Variants in TNFAIP8 observed in about 807,000 individuals in gnomAD.
TNFAIP8 encodes tumor necrosis factor alpha-induced protein 8.
In TNFAIP8, 7 loss-of-function variants were observed where a neutral mutation model predicts 13.3. That is an observed-to-expected ratio of 0.52 (90% confidence interval 0.30 to 0.99). The LOEUF is 0.99. Ranked by LOEUF, TNFAIP8 falls within the 50% of genes least tolerant of loss-of-function variation. The probability of loss-of-function intolerance (pLI) is 0.07; values close to 1 mark genes in which losing one functional copy is unlikely to be tolerated. For missense variants in TNFAIP8, 258 were observed against 236.9 expected (o/e 1.09, Z -0.58); for synonymous variants, 94 against 87.6 (o/e 1.07, Z -0.41).
intron 1 of TNFAIP8, among the ~76,000 whole-genome samples, chr5:119,335,052 G>A (rs1181635682): frequency 6.6e-6 from 1 of 152,132 alleles, no homozygotes; most frequent in African/African-American, 2.4e-5. Context: ...GGGAGGCAAG[G>A]TTGTGCGTGC....
intron 1 of TNFAIP8, among the ~76,000 whole-genome samples, chr5:119,333,000 C>T (rs930633569): frequency 2.6e-5 from 4 of 151,852 alleles, no homozygotes; most frequent in Admixed American, 2.0e-4. Context: ...CTGAGCAATA[C>T]GTATTATTAA....
At position 119,367,771 on chromosome 5, in the gene TNFAIP8, G is replaced by A. The variant is rs951177805; in HGVS notation, c.31+11650G>A. ...AAGCGGGGATTTCTGGACAGAATAG[G>A]TCTTTGTCACTCATTTCAACATGTC... is the stretch of plus-strand genomic sequence containing the variant. On this transcript the variant is annotated intron_variant, in intron 1 of 1. Transcript: ENST00000504771. 3.3e-5 allele frequency among the ~76,000 whole-genome samples: 5 copies of A among 152,050 alleles called. 1 individual carries two copies. In the South Asian group the frequency reaches 1.0e-3, roughly 31 times the overall value.
At chr5:119,335,279 A>G (rs1293459996) in intron 1 of TNFAIP8, among the ~76,000 whole-genome samples, 1 of 152,174 alleles carries the variant, frequency 6.6e-6, no homozygotes, top group East Asian at 1.9e-4. Flanking sequence ...TTGCCTAGGA[A>G]TTTTAAATGA....
At position 119,271,102 on chromosome 5, in the gene TNFAIP8, C is replaced by G. The variant is rs138698027; in HGVS notation, c.1+2195C>G. 1.6e-3 allele frequency among the ~76,000 whole-genome samples: 249 copies of G among 152,312 alleles called. 1 individual carries two copies. Among genetic ancestry groups the G allele is most frequent in the Admixed American group, 3.3e-3 (50 of 15,300 alleles). The stretch of plus-strand genomic sequence containing the variant: ...GGACAGGCTGTCCTGGGATCCTAAA[C>G]AGAATAGCAGAAACCTGGGGGTGAA... On this transcript the variant is annotated intron_variant, in intron 1 of 1. Transcript: ENST00000274456.
At chr5:119,288,108 T>C (rs1267497597) in intron 1 of TNFAIP8, among the ~76,000 whole-genome samples, 1 of 152,242 alleles carries the variant, frequency 6.6e-6, no homozygotes, top group African/African-American at 2.4e-5. Flanking sequence ...AGTAAGGTTA[T>C]AGAGGTGTGT....
At chr5:119,297,212 G>T (rs931212039) in intron 1 of TNFAIP8, among the ~76,000 whole-genome samples, 2 of 151,898 alleles carry the variant, frequency 1.3e-5, no homozygotes, top group African/African-American at 4.8e-5. Flanking sequence ...TGGCAATTTT[G>T]GATCTTTCCT....
intron 1 of TNFAIP8, among the ~76,000 whole-genome samples, chr5:119,383,389 A>T (rs1752558051): frequency 6.6e-6 from 1 of 152,200 alleles, no homozygotes; most frequent in Admixed American, 6.5e-5. Flanking sequence ...TCTAATCATA[A>T]TACTTGCCCC....
At chr5:119,285,149 C>G (rs1257845921) in intron 1 of TNFAIP8, among the ~76,000 whole-genome samples, 5 of 152,094 alleles carry the variant, frequency 3.3e-5, no homozygotes, top group African/African-American at 1.2e-4. Flanking sequence ...AAGCTCTGGA[C>G]AGGCGAGCAG....
chr5:119,294,243 G>A (rs1474002001), intron 1 of TNFAIP8, among the ~76,000 whole-genome samples: 1 of 119,198 alleles, frequency 8.4e-6, no homozygotes, highest in Non-Finnish European at 1.6e-5. Context: ...TCCCCTTCCC[G>A]TGTCCATGTG....
At chr5:119,282,402 A>C (rs1340266706) in intron 1 of TNFAIP8, among the ~76,000 whole-genome samples, 1 of 151,872 alleles carries the variant, frequency 6.6e-6, no homozygotes, top group Admixed American at 6.6e-5. Flanking sequence ...TTTTCCTCTG[A>C]TCTGGTGAGG....
intron 1 of TNFAIP8, among the ~76,000 whole-genome samples, chr5:119,297,720 A>G (rs1440389361): frequency 3.3e-5 from 5 of 152,124 alleles, no homozygotes; most frequent in Admixed American, 3.3e-4. Context: ...AAAGTCTCCC[A>G]TTATTATTGT....
chr5:119,280,635 CTT>C (rs770699700), intron 1 of TNFAIP8, among the ~76,000 whole-genome samples: 1 of 152,168 alleles, frequency 6.6e-6, no homozygotes, highest in Non-Finnish European at 1.5e-5. Context: ...TTTTTCCACT[CTT>C]TTGATGTTAG....
At chr5:119,293,708 G>A (rs541901076) in intron 1 of TNFAIP8, among the ~76,000 whole-genome samples, 1 of 152,200 alleles carries the variant, frequency 6.6e-6, no homozygotes, top group East Asian at 1.9e-4. Flanking sequence ...AAGGCTATGG[G>A]GAAAAATGGT....
At position 119,397,472 on chromosome 5, in the gene TNFAIP8, A is replaced by G. The variant is rs1233233356; in HGVS notation, c.*4091A>G. On this transcript the variant is annotated 3_prime_UTR_variant, in exon 2 of 2. Transcript: ENST00000504771. ...TTGCATTTCCATACTTGCATTATCT[A>G]AACTAGTTGAACTTTTCAGTGTTTT... The G allele has an allele frequency of 6.6e-6, 1 of 152,244 alleles. No individual in the cohort carries two copies. The highest frequency in any genetic ancestry group is 1.5e-5 in the Non-Finnish European group (1 of 68,044). The allele number at this position is 152,244 out of a possible 1,614,324, so 9.4% of individuals were successfully genotyped here. A position where few individuals can be genotyped will look rare whatever the true frequency, so the allele number is the denominator to read the frequency against.
chr5:119,321,751 C>G (rs988073719), intron 1 of TNFAIP8, among the ~76,000 whole-genome samples: 18 of 152,328 alleles, frequency 1.2e-4, no homozygotes, highest in South Asian at 2.1e-4. Context: ...TGCTCTTGCA[C>G]TGTCACTCTC....
In TNFAIP8 at chr5:119,285,229, T is replaced by C. The variant is rs149074247; in HGVS notation, c.1+16322T>C. Among the ~76,000 whole-genome samples, 52 of 152,292 alleles carry C rather than the reference T, an allele frequency of 3.4e-4. No individual in the cohort carries two copies. The East Asian group carries it at 8.1e-3, about 24-fold the overall frequency. On this transcript the variant is annotated intron_variant, in intron 1 of 1. Coordinates refer to the TNFAIP8 transcript ENST00000274456. ...GATGCTCAACCCCTCTGGGCCATAATTGGTATATCTAAGAAATGTGAGTTG... is the reference window on the plus strand; with the variant it reads ...GATGCTCAACCCCTCTGGGCCATAACTGGTATATCTAAGAAATGTGAGTTG...
At chr5:119,352,175 G>T (rs1440403357), upstream of TNFAIP8, among the ~76,000 whole-genome samples, 1 of 152,128 alleles carries the variant, frequency 6.6e-6, no homozygotes, top group Non-Finnish European at 1.5e-5. Flanking sequence ...GCTTACTTGT[G>T]TTATGGAAGG....
chr5:119,379,650 G>T (rs1403199649), intron 1 of TNFAIP8, among the ~76,000 whole-genome samples: 1 of 152,022 alleles, frequency 6.6e-6, no homozygotes, highest in African/African-American at 2.4e-5. Flanking sequence ...GAGTGGAGTG[G>T]CGTGATCTGA....
chr5:119,326,473 G>A (rs1362667895), intron 1 of TNFAIP8, among the ~76,000 whole-genome samples: 1 of 152,178 alleles, frequency 6.6e-6, no homozygotes, highest in East Asian at 1.9e-4. Context: ...AGTGAAGCAC[G>A]GTGGGGGCAG....
Sources: gnomAD v4.1 joint callset for allele counts (sites outside exome capture counted in the v4.1 genomes callset) on GRCh38, gnomAD v4.1.1 for gene constraint, MANE v1.5 for transcripts, NCBI Gene and HGNC (gene_info 2026-07-23, HGNC 2026-07-21) for gene names.